RNF11: variants seen among roughly 807,000 people sequenced by gnomAD.
RNF11 encodes ring finger protein 11.
In RNF11, 4 loss-of-function variants were observed where a neutral mutation model predicts 15.8. That is an observed-to-expected ratio of 0.25 (90% CI 0.12 to 0.58). RNF11 has a LOEUF of 0.58. Ranked by LOEUF, RNF11 falls within the 20% of genes least tolerant of loss-of-function variation. RNF11 has a pLI of 0.91. For missense variants in RNF11, 139 were observed against 194.4 expected (o/e 0.71, Z 1.70); for synonymous variants, 68 against 72.3 (o/e 0.94, Z 0.30).
At chr1:51,241,796 A>C (rs1404758560) in intron 1 of RNF11, among the ~76,000 whole-genome samples, 4 of 152,188 alleles carry the variant, frequency 2.6e-5, no homozygotes, top group African/African-American at 9.7e-5. Flanking sequence ...ATAAGCCAGG[A>C]AAGGCTGAAG....
chr1:51,237,155 C>T (rs1030160731), intron 1 of RNF11, among the ~76,000 whole-genome samples: 4 of 152,012 alleles, frequency 2.6e-5, no homozygotes, highest in Admixed American at 2.6e-4. Flanking sequence ...TGGTGGTTCG[C>T]TTGTGGAGTT....
chr1:51,260,838 A>G (rs958948666), intron 1 of RNF11, among the ~76,000 whole-genome samples: 5 of 152,220 alleles, frequency 3.3e-5, no homozygotes, highest in African/African-American at 7.2e-5. Context: ...TCCCAGAGGC[A>G]GTGGCAGTTA....
intron 1 of RNF11, among the ~76,000 whole-genome samples, chr1:51,260,273 C>A (rs1646924710): frequency 6.6e-6 from 1 of 152,204 alleles, no homozygotes; most frequent in African/African-American, 2.4e-5. Context: ...TTTTAACCTG[C>A]AACCTTGCTG....
chr1:51,252,944 A>G (rs1646887584), intron 1 of RNF11, among the ~76,000 whole-genome samples: 1 of 151,720 alleles, frequency 6.6e-6, no homozygotes, highest in Non-Finnish European at 1.5e-5. Context: ...CTCCTGCCTC[A>G]GCCTCCCAAG....
chr1:51,251,447 C>T (rs569504510), intron 1 of RNF11: 7 of 759,306 alleles, frequency 9.2e-6, no homozygotes, highest in Admixed American at 2.6e-5. Context: ...CGGGCCCCCC[C>T]CCGCTGCACT....
intron 1 of RNF11, among the ~76,000 whole-genome samples, chr1:51,267,291 A>C (rs563469004): frequency 6.6e-6 from 1 of 152,352 alleles, no homozygotes; most frequent in South Asian, 2.1e-4. Context: ...GACGAAACAC[A>C]GTAGCTTTGC....
intron 1 of RNF11, among the ~76,000 whole-genome samples, chr1:51,254,806 C>T (rs1388119639): frequency 6.6e-6 from 1 of 152,148 alleles, no homozygotes; most frequent in African/African-American, 2.4e-5. Context: ...CCACATTGGC[C>T]AGGCTGGTCT....
At chr1:51,248,211 T>C (rs1214016428) in intron 1 of RNF11, among the ~76,000 whole-genome samples, 4 of 151,192 alleles carry the variant, frequency 2.6e-5, no homozygotes, top group African/African-American at 7.3e-5. Context: ...TTTTCTTTTT[T>C]TTTTTTTTGG....
intron 1 of RNF11, among the ~76,000 whole-genome samples, chr1:51,251,942 G>A (rs1646879848): frequency 6.6e-6 from 1 of 151,914 alleles, no homozygotes; most frequent in Admixed American, 6.6e-5. Flanking sequence ...AGCTGGGTGT[G>A]GTAGTGCATG....
At chr1:51,269,546 G>A (rs1429697882) in intron 1 of RNF11, among the ~76,000 whole-genome samples, 1 of 152,212 alleles carries the variant, frequency 6.6e-6, no homozygotes, top group Non-Finnish European at 1.5e-5. Context: ...GTGACTGTAG[G>A]CAAGCTTGGT....
intron 1 of RNF11, among the ~76,000 whole-genome samples, chr1:51,241,752 C>A (rs1237539696): frequency 6.6e-6 from 1 of 152,082 alleles, no homozygotes; most frequent in Non-Finnish European, 1.5e-5. Flanking sequence ...ATCTGCCCAG[C>A]GAAGGCAATC....
intron 1 of RNF11, among the ~76,000 whole-genome samples, chr1:51,259,347 A>G (rs1382081020): frequency 6.6e-6 from 1 of 152,158 alleles, no homozygotes; most frequent in Non-Finnish European, 1.5e-5. Flanking sequence ...TCCTTAATTA[A>G]GTTTGTTTCT....
chr1:51,262,546 T>G (rs746219425), intron 1 of RNF11, among the ~76,000 whole-genome samples: 39 of 152,074 alleles, frequency 2.6e-4, no homozygotes, highest in Middle Eastern at 3.4e-3. Flanking sequence ...TTGGGCTTTT[T>G]TTTGTTTGTT....
At chr1:51,246,408 C>G (rs1172294990) in intron 1 of RNF11, among the ~76,000 whole-genome samples, 1 of 151,722 alleles carries the variant, frequency 6.6e-6, no homozygotes, top group Non-Finnish European at 1.5e-5. Flanking sequence ...GATCTCGTCT[C>G]TACAAAAAAA....
At chr1:51,246,509 A>G (rs1646852190) in intron 1 of RNF11, among the ~76,000 whole-genome samples, 2 of 152,030 alleles carry the variant, frequency 1.3e-5, no homozygotes, top group South Asian at 4.1e-4. Flanking sequence ...GTTGGAAGGT[A>G]TAATGAGCTG....
chr1:51,264,733 C>T (rs778346578), intron 1 of RNF11, among the ~76,000 whole-genome samples: 1 of 152,144 alleles, frequency 6.6e-6, no homozygotes, highest in African/African-American at 2.4e-5. Context: ...GTGCTATTTC[C>T]AGCCTCAGCA....
chr1:51,246,000 T>C (rs1254535869), intron 1 of RNF11, among the ~76,000 whole-genome samples: 2 of 152,152 alleles, frequency 1.3e-5, no homozygotes, highest in Non-Finnish European at 2.9e-5. Context: ...GCACAGTGGC[T>C]CACACCTGTA....
At chr1:51,242,359 G>T (rs1300177182) in intron 1 of RNF11, among the ~76,000 whole-genome samples, 2 of 145,790 alleles carry the variant, frequency 1.4e-5, no homozygotes, top group African/African-American at 5.1e-5. Flanking sequence ...GGGCACAGTG[G>T]CTCACACCTG....
chr1:51,267,556 T>C (rs1646960641), intron 1 of RNF11, among the ~76,000 whole-genome samples: 1 of 152,210 alleles, frequency 6.6e-6, no homozygotes, highest in Non-Finnish European at 1.5e-5. Flanking sequence ...CTTCAACATA[T>C]ATGAAAGGTT....
Sources: allele counts gnomAD v4.1 joint callset (sites outside exome capture counted in the v4.1 genomes callset), GRCh38; gene constraint gnomAD v4.1.1; transcripts MANE v1.5; gene names NCBI Gene and HGNC (gene_info 2026-07-23, HGNC 2026-07-21).